Variants in ZNF804A observed in about 807,000 individuals in gnomAD.
ZNF804A encodes the protein zinc finger protein 804A.
A neutral mutation model predicts 16.5 loss-of-function variants in ZNF804A; 2 were observed. The ratio of observed to expected loss-of-function variants is 0.12; its 90% confidence interval spans 0.05 to 0.38. The LOEUF (loss-of-function observed/expected upper bound fraction) is 0.38, where lower values mean the gene tolerates loss of function less well. Among genes scored for constraint, ZNF804A ranks in the 10% least tolerant of loss-of-function variants. The probability of loss-of-function intolerance (pLI) is 0.99; values close to 1 mark genes in which losing one functional copy is unlikely to be tolerated. For missense variants in ZNF804A, 1,473 were observed against 1,390.7 expected (o/e 1.06, Z -0.94); for synonymous variants, 534 against 489.6 (o/e 1.09, Z -1.20).
At chr2:184,935,659 T>C in intron 3 of ZNF804A, 124 bp from the exon 4 acceptor site, 1 of 1,150,764 alleles carries the variant, frequency 8.7e-7, no homozygotes, top group Non-Finnish European at 1.2e-6. Flanking sequence ...ATGAAGGCAA[T>C]TCTGTCACAA....
intron 1 of ZNF804A, among the ~76,000 whole-genome samples, chr2:184,805,946 T>C (rs1382573610): frequency 6.6e-6 from 1 of 152,002 alleles, no homozygotes; most frequent in Non-Finnish European, 1.5e-5. Context: ...CATTTGCACA[T>C]ATTATCTACA....
At chr2:184,858,902 A>G (rs1000720203) in intron 1 of ZNF804A, among the ~76,000 whole-genome samples, 21 of 152,112 alleles carry the variant, frequency 1.4e-4, no homozygotes, top group Non-Finnish European at 1.5e-5. Context: ...ACATTCCTTC[A>G]TTTCTAAAAC....
intron 2 of ZNF804A, among the ~76,000 whole-genome samples, chr2:184,881,713 C>T (rs1229689780): frequency 6.6e-6 from 1 of 151,882 alleles, no homozygotes; most frequent in Non-Finnish European, 1.5e-5. Flanking sequence ...GAATAAGATA[C>T]TTTTCAGACA....
chr2:184,882,939 G>T (rs76798297), intron 2 of ZNF804A, among the ~76,000 whole-genome samples: 1 of 151,980 alleles, frequency 6.6e-6, no homozygotes, highest in Non-Finnish European at 1.5e-5. Flanking sequence ...TGAAATCAGA[G>T]CTGGATTGAA....
At chr2:184,635,596 G>T (rs951921417) in intron 1 of ZNF804A, among the ~76,000 whole-genome samples, 2 of 151,992 alleles carry the variant, frequency 1.3e-5, no homozygotes, top group African/African-American at 4.8e-5. Context: ...GCTCAATGGG[G>T]ATTGATTAAC....
At chr2:184,711,420 A>G (rs528616173) in intron 1 of ZNF804A, among the ~76,000 whole-genome samples, 1 of 151,714 alleles carries the variant, frequency 6.6e-6, no homozygotes, top group East Asian at 1.9e-4. Flanking sequence ...TTTTTCAGAT[A>G]TATGTTTTGC....
intron 2 of ZNF804A, among the ~76,000 whole-genome samples, chr2:184,891,222 C>A (rs537665954): frequency 1.3e-5 from 2 of 152,222 alleles, no homozygotes; most frequent in South Asian, 4.1e-4. Context: ...ATTTTTCCTG[C>A]CCCCTGAACA....
intron 1 of ZNF804A, among the ~76,000 whole-genome samples, chr2:184,643,542 C>G (rs1225491131): frequency 6.6e-6 from 1 of 151,880 alleles, no homozygotes. Flanking sequence ...TTTTACTATA[C>G]AATTCAAATA....
chr2:184,834,521 C>G (rs561885488), intron 1 of ZNF804A, among the ~76,000 whole-genome samples: 125 of 152,226 alleles, frequency 8.2e-4, no homozygotes, highest in African/African-American at 3.0e-3. Flanking sequence ...GTGTATCTCT[C>G]ATACACTCCT....
In ZNF804A at chr2:184,938,111, T is replaced by A; in HGVS notation, c.2715T>A (p.Gly905=). 6.2e-7 allele frequency: 1 copy of A among 1,614,138 alleles called. No homozygotes were observed. The highest frequency in any genetic ancestry group is 1.1e-5 in the South Asian group (1 of 91,084). ...ATTTAGAAATGGAGACCACTTCTGG[T>A]GAATTGTCAGATGTTTCCAATGATC... ...TEHLEMETTS[G]ELSDVSNDPT... Residue 905 remains glycine (G), a synonymous_variant, in exon 4 of 4, where the codon GGT becomes GGA. Coordinates refer to ENST00000302277, the MANE Select transcript of ZNF804A (RefSeq NM_194250.2).
intron 2 of ZNF804A, among the ~76,000 whole-genome samples, chr2:184,915,641 A>C (rs1184209829): frequency 6.6e-6 from 1 of 152,164 alleles, no homozygotes; most frequent in Non-Finnish European, 1.5e-5. Context: ...AATGGTCAGA[A>C]AATCAGTTTT....
At chr2:184,770,039 T>C (rs550097512) in intron 1 of ZNF804A, among the ~76,000 whole-genome samples, 2 of 152,090 alleles carry the variant, frequency 1.3e-5, no homozygotes, top group Non-Finnish European at 2.9e-5. Flanking sequence ...ACTAGATAAA[T>C]AAGCTTAAGT....
intron 1 of ZNF804A, among the ~76,000 whole-genome samples, chr2:184,609,302 A>G (rs1219250296): frequency 6.6e-6 from 1 of 152,180 alleles, no homozygotes; most frequent in East Asian, 1.9e-4. Context: ...GGGGCTCACC[A>G]TTGACTACTG....
intron 1 of ZNF804A, among the ~76,000 whole-genome samples, chr2:184,797,522 T>G (rs959719964): frequency 6.6e-6 from 1 of 152,164 alleles, no homozygotes; most frequent in African/African-American, 2.4e-5. Context: ...GTCTGTGTGT[T>G]AGGTGAGTCC....
chr2:184,679,809 A>G (rs1692507521), intron 1 of ZNF804A, among the ~76,000 whole-genome samples: 1 of 152,152 alleles, frequency 6.6e-6, no homozygotes, highest in Admixed American at 6.5e-5. Flanking sequence ...CCCCTTGGCA[A>G]GAACAGTCTG....
rs536846632 is a variant in ZNF804A, at chr2:184,859,827, G to A, written c.112-6542G>A. Among the ~76,000 whole-genome samples, 13 of 152,314 alleles carry A rather than the reference G, an allele frequency of 8.5e-5. No individual in the cohort carries two copies. The South Asian group carries it at 1.9e-3, about 22-fold the overall frequency. ...TGGCTTATTGCTGGAATCTAAAGTC[G>A]AGTTGTCCTGCTGCCTAGGTCAGGA... On this transcript the variant is annotated intron_variant, in intron 1 of 3. Transcript: ENST00000302277.
In ZNF804A at chr2:184,748,755, T is replaced by C. The variant is rs532836145; in HGVS notation, c.112-117614T>C. On this transcript the variant is annotated intron_variant, in intron 1 of 3. Coordinates refer to ENST00000302277, the MANE Select transcript of ZNF804A (RefSeq NM_194250.2). ...TAAATGTTTTATCAATTTGAGTTAA[T>C]TTTTTTATATGGTGAAAGGTAAGTG... Among the ~76,000 whole-genome samples the C allele has an allele frequency of 2.6e-5, 4 of 151,708 alleles. No homozygotes were observed. In the East Asian group the frequency reaches 7.7e-4, roughly 29 times the overall value.
At chr2:184,713,550 T>G (rs1693163747) in intron 1 of ZNF804A, among the ~76,000 whole-genome samples, 1 of 151,982 alleles carries the variant, frequency 6.6e-6, no homozygotes, top group Admixed American at 6.6e-5. Context: ...TATTTCATAT[T>G]TTCCTCTCTA....
chr2:184,616,538 G>A (rs767765730), intron 1 of ZNF804A, among the ~76,000 whole-genome samples: 6 of 152,064 alleles, frequency 3.9e-5, no homozygotes, highest in East Asian at 1.9e-4. Context: ...AAGAATTATC[G>A]TTCTTCCCTT....
Sources: gnomAD v4.1 joint callset for allele counts (sites outside exome capture counted in the v4.1 genomes callset) on GRCh38, gnomAD v4.1.1 for gene constraint, MANE v1.5 for transcripts, NCBI Gene and HGNC (gene_info 2026-07-23, HGNC 2026-07-21) for gene names.